SIRT3: variants seen among roughly 807,000 people sequenced by gnomAD.
The protein encoded by SIRT3 is sirtuin 3, also known as NAD-dependent protein deacetylase sirtuin-3, mitochondrial.
In SIRT3, 26 loss-of-function variants were observed where a neutral mutation model predicts 33.5. That is an observed-to-expected ratio of 0.78 (90% CI 0.57 to 1.08). The LOEUF is 1.08. SIRT3 is among the 50% of genes least tolerant of loss of function. The pLI, the probability that SIRT3 is intolerant of heterozygous loss-of-function variation, is 0.00. For synonymous variants in SIRT3, 237 were observed against 222.1 expected (o/e 1.07, Z -0.60); for missense variants, 585 against 530.1 (o/e 1.10, Z -1.02).
intron 5 of SIRT3, 115 bp from the exon 6 acceptor site, chr11:219,156 G>T: frequency 7.6e-7 from 1 of 1,313,332 alleles, no homozygotes; most frequent in Non-Finnish European, 1.0e-6. Flanking sequence ...GTCAGAGCCT[G>T]CGATATAGGG....
chr11:227,630 ATTTATTTTG>A (rs922261635), intron 4 of SIRT3, among the ~76,000 whole-genome samples: 3 of 151,804 alleles, frequency 2.0e-5, no homozygotes, highest in Non-Finnish European at 4.4e-5. Context: ...TTATTTATTT[ATTTATTTTG>A]TTTTGAGATG....
chr11:227,572 G>A (rs1235753923), intron 4 of SIRT3, among the ~76,000 whole-genome samples: 2 of 152,126 alleles, frequency 1.3e-5, no homozygotes, highest in Non-Finnish European at 2.9e-5. Context: ...AAGAACAAAG[G>A]TGGGGAATTA....
chr11:218,316 T>C (rs1349953930), intron 6 of SIRT3, among the ~76,000 whole-genome samples: 1 of 152,242 alleles, frequency 6.6e-6, no homozygotes, highest in Non-Finnish European at 1.5e-5. Flanking sequence ...GTAACTTCAC[T>C]TGTTTATAGG....
At chr11:221,003 T>C (rs1435643313) in intron 5 of SIRT3, among the ~76,000 whole-genome samples, 1 of 128,268 alleles carries the variant, frequency 7.8e-6, no homozygotes, top group Non-Finnish European at 1.6e-5. Context: ...GTTCTCAGTA[T>C]TTATCAGCAT....
chr11:233,056 G>A lies in SIRT3; in HGVS notation c.633C>T (p.Tyr211=), dbSNP rs2133937207. 2 of 1,614,180 alleles carry A rather than the reference G, an allele frequency of 1.2e-6. No homozygotes were observed. The highest frequency in any genetic ancestry group is 2.2e-5 in the East Asian group (1 of 44,890). ...PGNYKPNVTH[Y]FLRLLHDKGL... ...CCTTGTCATGAAGCAGCCGGAGAAAGTAGTGAGTGACGTTGGGCTTGTAGT... is the reference window on the plus strand; with the variant it reads ...CCTTGTCATGAAGCAGCCGGAGAAAATAGTGAGTGACGTTGGGCTTGTAGT... Residue 211 remains tyrosine (Y), a synonymous_variant, in exon 3 of 7, where the codon TAC becomes TAT. Transcript: ENST00000382743.
At chr11:230,951 G>A (rs113919457) in intron 3 of SIRT3, among the ~76,000 whole-genome samples, 24,190 of 152,006 alleles carry the variant, frequency 0.16, 2,455 homozygotes, top group Non-Finnish European at 0.22. Flanking sequence ...TGGTGAAACC[G>A]TACCTCTACT....
upstream of SIRT3, chr11:236,882 G>C: frequency 1.6e-6 from 1 of 636,684 alleles, no homozygotes; most frequent in South Asian, 1.8e-5. Flanking sequence ...CCGGAGCGCA[G>C]AGACGCGCTG....
Position 216,824 on chromosome 11 carries a change from C to T in SIRT3, c.1180-106G>A. The T allele has an allele frequency of 2.5e-6, 3 of 1,223,174 alleles. No homozygotes were observed. The South Asian group carries it at 3.6e-5, about 15-fold the overall frequency. The allele number at this position is 1,223,174 out of a possible 1,614,324, so 75.8% of individuals were successfully genotyped here. A position where few individuals can be genotyped will look rare whatever the true frequency, so the allele number is the denominator to read the frequency against. On this transcript the variant is annotated intron_variant, in intron 6 of 6. Coordinates refer to ENST00000382743, the MANE Select transcript of SIRT3 (RefSeq NM_012239.6). ...AGCTGCAGACATGCAAAATATTTCA[C>T]AAAACAAGCTGCTTTCTGCAAATAC...
chr11:218,576 T>A (rs1855969114), intron 6 of SIRT3, among the ~76,000 whole-genome samples: 1 of 152,198 alleles, frequency 6.6e-6, no homozygotes. Context: ...TATAGTCTGT[T>A]AAGAATACAG....
chr11:229,975 A>G (rs1857692612), intron 4 of SIRT3, among the ~76,000 whole-genome samples: 1 of 152,218 alleles, frequency 6.6e-6, no homozygotes, highest in East Asian at 1.9e-4. Flanking sequence ...ACATTTAGCC[A>G]TGAAACAGGA....
At chr11:220,453 G>T (rs1237386447) in intron 5 of SIRT3, among the ~76,000 whole-genome samples, 1 of 151,608 alleles carries the variant, frequency 6.6e-6, no homozygotes, top group Non-Finnish European at 1.5e-5. Flanking sequence ...AATGAAAAAT[G>T]GTCAAGAGGT....
In SIRT3 at chr11:236,090, C is replaced by G; in HGVS notation, c.239G>C (p.Arg80Pro). Residue 80 changes from arginine to proline, a missense_variant, in exon 1 of 7, where the codon CGG becomes CCG. By Grantham distance (103) the Arg-to-Pro change is moderately radical. Coordinates refer to ENST00000382743, the MANE Select transcript of SIRT3 (RefSeq NM_012239.6). ...PPRPEVPRAF[R>P]RQPRAAAPSF... is the part of the protein sequence containing the mutation. ...GGGAGCTGCTGCCCTCGGCTGCCTC[C>G]GGAATGCCCTGGGCACCTCGGGTCT... The G allele has an allele frequency of 6.4e-7, 1 of 1,561,838 alleles. No individual in the cohort carries two copies. The highest frequency in any genetic ancestry group is 8.7e-7 in the Non-Finnish European group (1 of 1,154,272).
intron 4 of SIRT3, among the ~76,000 whole-genome samples, chr11:224,616 A>G (rs1055975713): frequency 6.6e-6 from 1 of 152,204 alleles, no homozygotes; most frequent in Non-Finnish European, 1.5e-5. Context: ...GTCTGCAGGC[A>G]TTTGGCCTAC....
Position 233,181 on chromosome 11 carries a change from G to A in SIRT3, c.508C>T (p.Gln170Ter). 6.2e-7 allele frequency: 1 copy of A among 1,614,152 alleles called. No individual in the cohort carries two copies. The highest frequency in any genetic ancestry group is 1.1e-5 in the South Asian group (1 of 91,076). The change falls in exon 3 of 7, where the codon CAG (glutamine) becomes TAG (stop). Residue 170 changes from glutamine to a stop codon, truncating the protein, a stop_gained. Coordinates refer to ENST00000382743, the MANE Select transcript of SIRT3 (RefSeq NM_012239.6). LOFTEE classifies it high-confidence loss of function. ...GCCTCGGGGTACGGGAGATCGTACTGCTGGAGGTTGCTGTACAGGCCACTC... is the reference window on the plus strand; with the variant it reads ...GCCTCGGGGTACGGGAGATCGTACTACTGGAGGTTGCTGTACAGGCCACTC... ...PGSGLYSNLQ[Q>*]YDLPYPEAIF...
In SIRT3 at chr11:224,182, G is replaced by A. The variant is rs1856840538; in HGVS notation, c.865C>T (p.Pro289Ser). ...RCPVCTGVVK[P>S]DIVFFGEPLP... ...GGCTCCCCAAAGAACACAATGTCGG[G>A]CTTCACAACGCCGGTGCAGACCGGG... Residue 289 changes from proline (P) to serine (S), a missense_variant, in exon 5 of 7, where the codon CCC becomes TCC. By Grantham distance (74) the Pro-to-Ser change is moderately conservative (BLOSUM62 -1). Transcript: ENST00000382743. The A allele has an allele frequency of 1.2e-6, 2 of 1,614,166 alleles. No individual in the cohort carries two copies. The highest frequency in any genetic ancestry group is 4.5e-5 in the East Asian group (2 of 44,888).
At chr11:235,742 A>G (rs181669028) in intron 1 of SIRT3, among the ~76,000 whole-genome samples, 35 of 152,326 alleles carry the variant, frequency 2.3e-4, no homozygotes, top group Middle Eastern at 3.4e-3. Flanking sequence ...TTAAATGCAT[A>G]TACTTTTGGA....
Position 223,364 on chromosome 11 carries a change from C to G in SIRT3, c.969+714G>C. The G allele has an allele frequency of 4.6e-6, 1 of 217,576 alleles. No homozygotes were observed. Among genetic ancestry groups the G allele is most frequent in the South Asian group, 6.8e-5 (1 of 14,710 alleles). 13.5% of individuals were successfully genotyped at this position (217,576 alleles called of 1,614,324 possible). A position where few individuals can be genotyped will look rare whatever the true frequency, so the allele number is the denominator to read the frequency against. On this transcript the variant is annotated intron_variant, in intron 5 of 6. Transcript: ENST00000382743. This position sits in a 1 kb window ranked among gnomAD's most constrained non-coding sequence, Gnocchi z 4.8. ...GACCAAGCCAGACGCCTCCTTCTCA[C>G]GTCCCCAAAACATCACAGACTGCGA...
upstream of SIRT3, chr11:236,502 C>A (rs1412125895): frequency 8.5e-6 from 2 of 235,620 alleles, no homozygotes; most frequent in Non-Finnish European, 1.4e-5. Flanking sequence ...CCGACGCCTC[C>A]GGCGCGCCCA....
At chr11:216,743 T>A (rs1041687671) in intron 6 of SIRT3, 25 bp from the exon 7 acceptor site, 2 of 1,613,822 alleles carry the variant, frequency 1.2e-6, no homozygotes, top group Non-Finnish European at 1.7e-6. Context: ...ACAGAGGGTA[T>A]CAGCTATCTG....
Sources: allele counts gnomAD v4.1 joint callset (sites outside exome capture counted in the v4.1 genomes callset), GRCh38; gene constraint gnomAD v4.1.1; non-coding constraint Gnocchi (gnomAD v3.1); transcripts MANE v1.5; gene names NCBI Gene and HGNC (gene_info 2026-07-23, HGNC 2026-07-21).